The following TTC12 variants were observed in gnomAD, a reference collection of about 807,000 sequenced individuals.
The protein encoded by TTC12 is tetratricopeptide repeat domain 12.
A neutral mutation model predicts 90.1 loss-of-function variants in TTC12; 70 were observed. That is an observed-to-expected ratio of 0.78 (90% CI 0.64 to 0.95). The LOEUF is 0.95. Among genes scored for constraint, TTC12 ranks in the 40% least tolerant of loss-of-function variants. The pLI, the probability that TTC12 is intolerant of heterozygous loss-of-function variation, is 0.00. For missense variants in TTC12, 819 were observed against 846.1 expected (o/e 0.97, Z 0.40); for synonymous variants, 296 against 311.5 (o/e 0.95, Z 0.53).
chr11:113,360,051 CTTGTTTTGTTTTGTT>C (rs71060300), intron 18 of TTC12, 43 bp downstream of exon 18: 12 of 1,054,412 alleles, frequency 1.1e-5, no homozygotes, highest in Middle Eastern at 2.8e-4. Flanking sequence ...TTCCATTGTT[CTTGTTTTGTTTTGTT>C]TTGTTTTGTT....
At chr11:113,359,859 C>A in intron 17 of TTC12, 81 bp from the exon 18 acceptor site, 1 of 1,095,776 alleles carries the variant, frequency 9.1e-7, no homozygotes, top group Non-Finnish European at 1.3e-6. Context: ...AAAAAGGAGA[C>A]GGTGCTCAGA....
In TTC12 at chr11:113,339,301, T is replaced by A; in HGVS notation, c.653T>A (p.Val218Glu). The A allele has an allele frequency of 6.2e-7, 1 of 1,607,274 alleles. No individual in the cohort carries two copies. Among genetic ancestry groups the A allele is most frequent in the Non-Finnish European group, 8.5e-7 (1 of 1,178,036 alleles). The change falls in exon 10 of 22, where the codon GTA (valine) becomes GAA (glutamate). Residue 218 changes from valine (V) to glutamate (E), a missense_variant. Physicochemically the swap from Val to Glu is moderately radical, Grantham distance 121 (BLOSUM62 -2). Transcript: ENST00000529221. ...GTTTTTCTAGGTTACCTGAATCAAGTAGATCTTCAGGAAAAAGCAGACCTT... is the reference window on the plus strand; with the variant it reads ...GTTTTTCTAGGTTACCTGAATCAAGAAGATCTTCAGGAAAAAGCAGACCTT... ...QTQVKGYLNQ[V>E]DLQEKADLQE...
chr11:113,334,174 C>G (rs1948218988), intron 7 of TTC12, among the ~76,000 whole-genome samples: 1 of 152,206 alleles, frequency 6.6e-6, no homozygotes, highest in Non-Finnish European at 1.5e-5. Flanking sequence ...CTTTGAAGGG[C>G]ATCTGATTTG....
In TTC12 at chr11:113,328,555, CA is replaced by C. The variant is rs1947834260; in HGVS notation, c.445-1364del. Among the ~76,000 whole-genome samples, 6 of 151,690 alleles carry C rather than the reference CA, an allele frequency of 4.0e-5. No individual in the cohort carries two copies. In the South Asian group the frequency reaches 1.0e-3, roughly 26 times the overall value. Reference sequence around the variant, plus strand: ...CTCTCATATGTCACTCTACTTCTTTCATTTTTTTTTTCTGCTGTGCTCGGGA... The same window carrying C: ...CTCTCATATGTCACTCTACTTCTTTCTTTTTTTTTTCTGCTGTGCTCGGGA... On this transcript the variant is annotated intron_variant, in intron 6 of 21. Transcript: ENST00000529221.
At chr11:113,327,897 C>T (rs1437058822) in intron 6 of TTC12, among the ~76,000 whole-genome samples, 1 of 152,146 alleles carries the variant, frequency 6.6e-6, no homozygotes, top group Admixed American at 6.5e-5. Flanking sequence ...ATGAAAGCAC[C>T]ACTCGCAGCT....
At chr11:113,330,223 GC>G (rs1443880689) in intron 7 of TTC12, among the ~76,000 whole-genome samples, 1 of 152,184 alleles carries the variant, frequency 6.6e-6, no homozygotes, top group African/African-American at 2.4e-5. Context: ...TTTTACTTCA[GC>G]TCCTTCTTTA....
intron 2 of TTC12, among the ~76,000 whole-genome samples, chr11:113,317,710 T>C (rs1185729584): frequency 1.3e-5 from 2 of 152,148 alleles, no homozygotes; most frequent in Non-Finnish European, 2.9e-5. Context: ...ACCTCACGCT[T>C]GAGCAGCAAT....
chr11:113,325,084 G>A (rs1314114201), intron 5 of TTC12, among the ~76,000 whole-genome samples: 3 of 152,166 alleles, frequency 2.0e-5, no homozygotes, highest in African/African-American at 4.8e-5. Flanking sequence ...AAAAGGAAGG[G>A]ATGGGATTGT....
chr11:113,371,166 C>T (rs1950376094), downstream of TTC12, among the ~76,000 whole-genome samples: 1 of 152,200 alleles, frequency 6.6e-6, no homozygotes, highest in Non-Finnish European at 1.5e-5. Context: ...TAATCCTCTA[C>T]AGTCATCCCT....
chr11:113,327,931 G>C (rs184875815), intron 6 of TTC12, among the ~76,000 whole-genome samples: 5 of 152,170 alleles, frequency 3.3e-5, no homozygotes, highest in Admixed American at 6.5e-5. Flanking sequence ...AGCCAAGAGC[G>C]GCATGATTTC....
intron 7 of TTC12, 125 bp from the exon 8 acceptor site, chr11:113,334,841 G>A: frequency 1.4e-6 from 1 of 692,034 alleles, no homozygotes; most frequent in Non-Finnish European, 2.4e-6. Context: ...AAAAAGTTTT[G>A]TCAACTCTGG....
chr11:113,367,836 CAAGT>C (rs983033823), downstream of TTC12, among the ~76,000 whole-genome samples: 2 of 127,068 alleles, frequency 1.6e-5, no homozygotes, highest in African/African-American at 5.7e-5. Context: ...GGGTGGCAAG[CAAGT>C]GACAGGCCAC....
At chr11:113,364,078 C>T in intron 20 of TTC12, 151 bp downstream of exon 20, 1 of 603,648 alleles carries the variant, frequency 1.7e-6, no homozygotes, top group South Asian at 2.1e-5. Context: ...GTTTCACATC[C>T]AGATCTGAAA....
At chr11:113,358,622 G>T (rs781839830) in intron 16 of TTC12, among the ~76,000 whole-genome samples, 1 of 152,176 alleles carries the variant, frequency 6.6e-6, no homozygotes, top group Non-Finnish European at 1.5e-5. Context: ...AGCAAGTTGA[G>T]CCTAGTGGGG....
chr11:113,333,850 T>G (rs781969112), intron 7 of TTC12, among the ~76,000 whole-genome samples: 6 of 152,226 alleles, frequency 3.9e-5, no homozygotes, highest in Non-Finnish European at 7.3e-5. Context: ...CTCTCTTTTA[T>G]TATTATTGCT....
intron 18 of TTC12, among the ~76,000 whole-genome samples, chr11:113,360,539 G>A (rs782038457): frequency 1.3e-5 from 2 of 152,308 alleles, no homozygotes; most frequent in African/African-American, 2.4e-5. Context: ...ATTTGAATAA[G>A]AAAACTGAGA....
At chr11:113,373,097 G>A (rs1950427612) in intron 21 of TTC12, 1 of 592,768 alleles carries the variant, frequency 1.7e-6, no homozygotes, top group Middle Eastern at 8.7e-4. Flanking sequence ...TAATGAAACG[G>A]GTTCTATCAT....
chr11:113,341,656 C>T, intron 11 of TTC12, 181 bp from the exon 12 acceptor site: 1 of 595,474 alleles, frequency 1.7e-6, no homozygotes, highest in East Asian at 3.1e-5. Flanking sequence ...CCTCAGTCTG[C>T]ATCCGTGGCC....
Position 113,329,925 on chromosome 11 carries a change from T to C in TTC12, c.450T>C (p.Tyr150=), listed in dbSNP as rs781900430. 1.2e-6 allele frequency: 2 copies of C among 1,613,312 alleles called. No homozygotes were observed. The highest frequency in any genetic ancestry group is 1.7e-5 in the Admixed American group (1 of 60,020). Reference sequence around the variant, plus strand: ...AGCTGTTGGTTTCATTACAGGCTTATATGAAACTTGAGGACTATGAGAAGG... The same window carrying C: ...AGCTGTTGGTTTCATTACAGGCTTACATGAAACTTGAGGACTATGAGAAGG... ...KVLYTNRAQA[Y]MKLEDYEKAL... is the part of the protein sequence containing the mutation. The change falls in exon 7 of 22, where the codon TAT becomes TAC. Residue 150 remains tyrosine (Y), a synonymous_variant. Coordinates refer to ENST00000529221, the MANE Select transcript of TTC12 (RefSeq NM_017868.4).
Sources: allele counts gnomAD v4.1 joint callset (sites outside exome capture counted in the v4.1 genomes callset), GRCh38; gene constraint gnomAD v4.1.1; transcripts MANE v1.5; gene names NCBI Gene and HGNC (gene_info 2026-07-23, HGNC 2026-07-21).